LYPD3: variants seen among roughly 807,000 people sequenced by gnomAD.
LYPD3 encodes ly6/PLAUR domain-containing protein 3.
A neutral mutation model predicts 21.7 loss-of-function variants in LYPD3; 22 were observed. That is an observed-to-expected ratio of 1.01 (90% CI 0.72 to 1.45). The LOEUF (loss-of-function observed/expected upper bound fraction) is 1.45. Ranked by LOEUF, LYPD3 falls within the 40% of genes most tolerant of loss-of-function variation. LYPD3 has a pLI of 0.00. For synonymous variants in LYPD3, 179 were observed against 203.0 expected (o/e 0.88, Z 1.00); for missense variants, 471 against 466.9 (o/e 1.01, Z -0.08).
At chr19:43,464,210 G>A (rs1970801720) in intron 2 of LYPD3, 115 bp downstream of exon 2, 16 of 1,369,432 alleles carry the variant, frequency 1.2e-5, no homozygotes, top group Non-Finnish European at 1.6e-5. Flanking sequence ...AGGCTGAAAG[G>A]GAGGGGTGGG....
chr19:43,461,292 G>A lies in LYPD3; in HGVS notation c.*59C>T. ...CAGTGGTGGGAACAGGAAGTGATGA[G>A]AAGAGGGGTACCCAGGGCCAGAGAA... On this transcript the variant is annotated 3_prime_UTR_variant, in exon 5 of 5. Coordinates refer to ENST00000244333, the MANE Select transcript of LYPD3 (RefSeq NM_014400.3). 1.3e-6 allele frequency: 2 copies of A among 1,490,968 alleles called. No individual in the cohort carries two copies. Among genetic ancestry groups the A allele is most frequent in the Non-Finnish European group, 1.8e-6 (2 of 1,116,188 alleles). 92.4% of individuals were successfully genotyped at this position (1,490,968 alleles called of 1,614,324 possible).
In LYPD3 at chr19:43,463,925, C is replaced by T. The variant is rs145244965; in HGVS notation, c.212-156G>A. The T allele has an allele frequency of 7.1e-5, 55 of 774,412 alleles. No individual in the cohort carries two copies. In the African/African-American group the frequency reaches 9.3e-4, roughly 13 times the overall value. The allele number at this position is 774,412 out of a possible 1,614,324, so 48.0% of individuals were successfully genotyped here. On this transcript the variant is annotated intron_variant, in intron 2 of 4. Coordinates refer to ENST00000244333, the MANE Select transcript of LYPD3 (RefSeq NM_014400.3). ...TGGCGGATGGACGCCCCCAAAGAGC[C>T]GCTCAGAGCGGAAAGAACGACCGAA...
At chr19:43,461,954 T>A in intron 4 of LYPD3, 107 bp from the exon 5 acceptor site, 1 of 1,264,132 alleles carries the variant, frequency 7.9e-7, no homozygotes, top group Middle Eastern at 2.3e-4. Flanking sequence ...TGACCGGGCG[T>A]GGTGGCTCAC....
intron 2 of LYPD3, 200 bp downstream of exon 2, chr19:43,464,125 A>G: frequency 2.6e-6 from 2 of 776,844 alleles, no homozygotes; most frequent in Non-Finnish European, 4.0e-6. Flanking sequence ...CCAGTTCTCA[A>G]CTCTCTGCTC....
Position 43,461,199 on chromosome 19 carries a change from A to C in LYPD3, c.*152T>G. On this transcript the variant is annotated 3_prime_UTR_variant, in exon 5 of 5. Transcript: ENST00000244333. ...ACGGTATTTTATTTCCCAAAGCCGC[A>C]AACCAGCGCAGCAGAAGCTGGGGAT... is the stretch of plus-strand genomic sequence containing the variant. The C allele has an allele frequency of 2.1e-6, 2 of 944,746 alleles. No homozygotes were observed. The highest frequency in any genetic ancestry group is 3.1e-6 in the Non-Finnish European group (2 of 643,998). 58.5% of individuals were successfully genotyped at this position (944,746 alleles called of 1,614,324 possible).
At chr19:43,462,204 G>T (rs140696295) in intron 4 of LYPD3, among the ~76,000 whole-genome samples, 330 of 152,244 alleles carry the variant, frequency 2.2e-3, no homozygotes, top group Non-Finnish European at 3.6e-3. Context: ...ATGTGTGTAG[G>T]CTGAACCAAA....
intron 4 of LYPD3, 44 bp downstream of exon 4, chr19:43,463,082 G>C (rs777277830): frequency 6.2e-7 from 1 of 1,603,878 alleles, no homozygotes; most frequent in African/African-American, 1.3e-5. Context: ...CTTCAGAAGG[G>C]CTACCACAAC....
Position 43,463,698 on chromosome 19 carries a change from C to A in LYPD3, c.283G>T (p.Asp95Tyr), listed in dbSNP as rs774865351. The change falls in exon 3 of 5, where the codon GAT (aspartate) becomes TAT (tyrosine). Residue 95 changes from aspartate (D) to tyrosine (Y), a missense_variant. Coordinates refer to ENST00000244333, the MANE Select transcript of LYPD3 (RefSeq NM_014400.3). ...GLPGKNDRGL[D>Y]LHGLLAFIQL... The stretch of plus-strand genomic sequence containing the variant: ...ATGAACGCCAGAAGCCCGTGAAGAT[C>A]CAGGCCGCGGTCATTCTTGCCGGGG... The A allele has an allele frequency of 6.2e-7, 1 of 1,612,746 alleles. No homozygotes were observed. Among genetic ancestry groups the A allele is most frequent in the Non-Finnish European group, 8.5e-7 (1 of 1,180,036 alleles).
Position 43,461,593 on chromosome 19 carries a change from A to G in LYPD3, c.799T>C (p.Ser267Pro), listed in dbSNP as rs1193149028. The G allele has an allele frequency of 4.3e-6, 7 of 1,613,788 alleles. No homozygotes were observed. Among genetic ancestry groups the G allele is most frequent in the African/African-American group, 4.0e-5 (3 of 74,824 alleles). The change falls in exon 5 of 5, where the codon TCC (serine) becomes CCC (proline). Residue 267 changes from serine to proline, a missense_variant. Coordinates refer to ENST00000244333, the MANE Select transcript of LYPD3 (RefSeq NM_014400.3). ...TSTSAPVRPTSTTKPMPAPTS... is the reference protein window; with the variant it reads ...TSTSAPVRPTPTTKPMPAPTS... Reference sequence around the variant, plus strand: ...GGCGCTGGCATGGGTTTGGTGGTGGATGTGGGTCTCACTGGGGCCGAGGTA... The same window carrying G: ...GGCGCTGGCATGGGTTTGGTGGTGGGTGTGGGTCTCACTGGGGCCGAGGTA...
chr19:43,463,493 C>T, intron 3 of LYPD3, 106 bp downstream of exon 3: 2 of 1,441,562 alleles, frequency 1.4e-6, no homozygotes, highest in East Asian at 2.4e-5. Flanking sequence ...TGTGACCCCA[C>T]CCCCAGCCCA....
rs750314532 is a variant in LYPD3, at chr19:43,461,206, C to T, written c.*145G>A. Reference sequence around the variant, plus strand: ...TTTATTTCCCAAAGCCGCAAACCAGCGCAGCAGAAGCTGGGGATACTGGGG... The same window carrying T: ...TTTATTTCCCAAAGCCGCAAACCAGTGCAGCAGAAGCTGGGGATACTGGGG... On this transcript the variant is annotated 3_prime_UTR_variant, in exon 5 of 5. Transcript: ENST00000244333. 31 of 985,816 alleles carry T rather than the reference C, an allele frequency of 3.1e-5. No homozygotes were observed. The highest frequency in any genetic ancestry group is 5.3e-5 in the South Asian group (3 of 56,206). 61.1% of individuals were successfully genotyped at this position (985,816 alleles called of 1,614,324 possible). A position where few individuals can be genotyped will look rare whatever the true frequency, so the allele number is the denominator to read the frequency against.
Position 43,464,454 on chromosome 19 carries a change from C to T in LYPD3, c.82G>A (p.Ala28Thr), listed in dbSNP as rs752733095. The T allele has an allele frequency of 6.8e-6, 11 of 1,613,952 alleles. No homozygotes were observed. The East Asian group carries it at 2.4e-4, about 36-fold the overall frequency. Residue 28 changes from alanine to threonine, a missense_variant and splice_region_variant, in exon 2 of 5, where the codon GCG becomes ACG. Ala to Thr is a moderately conservative substitution (Grantham distance 58). Coordinates refer to ENST00000244333, the MANE Select transcript of LYPD3 (RefSeq NM_014400.3). The stretch of plus-strand genomic sequence containing the variant: ...CAGCTGTAGCACTCCAGGGCCTGCG[C>T]TCCTGGGGGAGCGGAGCCGAATAGA... ...WLLLLLLRGG[A>T]QALECYSCVQ...
intron 4 of LYPD3, among the ~76,000 whole-genome samples, chr19:43,462,519 G>A (rs141730596): frequency 7.9e-5 from 12 of 152,230 alleles, no homozygotes; most frequent in Admixed American, 2.6e-4. Context: ...GGAACCAGTC[G>A]TGGCGGTGCA....
rs909104901 is a variant in LYPD3 at position 43,461,298 on chromosome 19, G to A, written c.*53C>T. 18 of 1,503,620 alleles carry A rather than the reference G, an allele frequency of 1.2e-5. No individual in the cohort carries two copies. The African/African-American group carries it at 2.5e-4, about 21-fold the overall frequency. The allele number at this position is 1,503,620 out of a possible 1,614,324, so 93.1% of individuals were successfully genotyped here. On this transcript the variant is annotated 3_prime_UTR_variant, in exon 5 of 5. Coordinates refer to ENST00000244333, the MANE Select transcript of LYPD3 (RefSeq NM_014400.3). ...TGGGAACAGGAAGTGATGAGAAGAG[G>A]GGTACCCAGGGCCAGAGAAGTAGGT...
chr19:43,462,439 A>C (rs1970783478), intron 4 of LYPD3, among the ~76,000 whole-genome samples: 1 of 152,032 alleles, frequency 6.6e-6, no homozygotes, highest in Non-Finnish European at 1.5e-5. Context: ...AGGCAGGGGG[A>C]TCTCTTAGCC....
rs1970774044 is a variant in LYPD3 at position 43,461,419 on chromosome 19, C to T, written c.973G>A (p.Gly325Ser). Reference protein sequence around the residue: ...KGGPQQPHNKGCVAPTAGLAA... With the variant: ...KGGPQQPHNKSCVAPTAGLAA... Reference sequence around the variant, plus strand: ...AATCCAGCTGTGGGAGCCACACAGCCTTTATTATGGGGCTGCTGGGGCCCC... The same window carrying T: ...AATCCAGCTGTGGGAGCCACACAGCTTTTATTATGGGGCTGCTGGGGCCCC... The change falls in exon 5 of 5, where the codon GGC (glycine) becomes AGC (serine). Residue 325 changes from glycine (G) to serine (S), a missense_variant. By Grantham distance (56) the Gly-to-Ser change is moderately conservative. Coordinates refer to ENST00000244333, the MANE Select transcript of LYPD3 (RefSeq NM_014400.3). 2 of 1,614,056 alleles carry T rather than the reference C, an allele frequency of 1.2e-6. No individual in the cohort carries two copies. The highest frequency in any genetic ancestry group is 1.7e-6 in the Non-Finnish European group (2 of 1,179,912).
At chr19:43,465,472 C>T in intron 1 of LYPD3, 21 bp downstream of exon 1, 2 of 1,606,800 alleles carry the variant, frequency 1.2e-6, no homozygotes, top group Non-Finnish European at 1.7e-6. Flanking sequence ...CCCCCTCCAC[C>T]TCTCCGGGCA....
chr19:43,464,926 CTT>C (rs768875729), intron 1 of LYPD3, among the ~76,000 whole-genome samples: 2 of 97,256 alleles, frequency 2.1e-5, no homozygotes, highest in African/African-American at 8.9e-5. Context: ...TTCTTTTTTT[CTT>C]TTTTTCTTTT....
chr19:43,463,882 G>T, intron 2 of LYPD3, 113 bp from the exon 3 acceptor site: 1 of 1,048,860 alleles, frequency 9.5e-7, no homozygotes, highest in Non-Finnish European at 1.4e-6. Context: ...CAACACCACA[G>T]GACCGACAGG....
Sources: gnomAD v4.1 joint callset for allele counts (sites outside exome capture counted in the v4.1 genomes callset) on GRCh38, gnomAD v4.1.1 for gene constraint, MANE v1.5 for transcripts, NCBI Gene and HGNC (gene_info 2026-07-23, HGNC 2026-07-21) for gene names.